The following AKAP13 variants were observed in gnomAD, a reference collection of about 807,000 sequenced individuals.
AKAP13 encodes the protein A-kinase anchor protein 13.
AKAP13 carries 80 observed loss-of-function variants against 264.5 expected under a neutral mutation model. The observed-to-expected ratio is 0.30, with a 90% CI of 0.25 to 0.36. AKAP13 has a LOEUF of 0.36. Among genes scored for constraint, AKAP13 ranks in the 10% least tolerant of loss-of-function variants. AKAP13 has a pLI of 1.00. For missense variants in AKAP13, 3,712 were observed against 3,435.2 expected, an observed-to-expected ratio of 1.08 and a Z score of -2.01; for synonymous variants, 1,380 against 1,250.2, an observed-to-expected ratio of 1.10 and a Z score of -2.19.
intron 9 of AKAP13, among the ~76,000 whole-genome samples, 166 bp downstream of exon 9, chr15:85,639,615 A>C (rs938678706): frequency 3.4e-5 from 3 of 89,214 alleles, no homozygotes; most frequent in African/African-American, 1.3e-4. Flanking sequence ...AGATGAACAC[A>C]TGTAATTACC....
At chr15:85,480,899 C>G (rs2075332420) in intron 1 of AKAP13, 1 of 152,140 alleles carries the variant, frequency 6.6e-6, no homozygotes, top group African/African-American at 2.4e-5. Flanking sequence ...ACCATGTTGG[C>G]CAGGATGGTC....
chr15:85,527,992 T>C (rs984971637), intron 3 of AKAP13, among the ~76,000 whole-genome samples: 1 of 152,232 alleles, frequency 6.6e-6, no homozygotes, highest in Non-Finnish European at 1.5e-5. Context: ...TAGGGTTTCT[T>C]TTTGGATAGC....
chr15:85,630,166 T>TACACACACACAC (rs59852934), intron 8 of AKAP13, among the ~76,000 whole-genome samples: 7 of 100,118 alleles, frequency 7.0e-5, no homozygotes, highest in African/African-American at 2.3e-4. Context: ...TTTTAACACA[T>TACACACACACAC]ACACACACAC....
At position 85,727,152 on chromosome 15, in the gene AKAP13, G is replaced by A. The variant is rs770016998; in HGVS notation, c.6909G>A (p.Met2303Ile). 1.2e-6 allele frequency: 2 copies of A among 1,614,196 alleles called. No individual in the cohort carries two copies. Among genetic ancestry groups the A allele is most frequent in the Non-Finnish European group, 1.7e-6 (2 of 1,180,020 alleles). Residue 2303 changes from methionine to isoleucine, a missense_variant, in exon 28 of 37, where the codon ATG (methionine) becomes ATA (isoleucine). By Grantham distance (10) the Met-to-Ile change is conservative (BLOSUM62 1). This residue lies in a region of AKAP13 where 342 missense variants were observed against 484.3 expected (regional missense o/e 0.71). Coordinates refer to ENST00000394518, the MANE Select transcript of AKAP13 (RefSeq NM_007200.5). The surrounding 1 kb of genome is among the most constrained non-coding windows in gnomAD (Gnocchi z 5.3). ...AGAAAGGTTTATTCCTGATCAGCATGGGGATGACAGATCCAGAGATGGTAG... is the reference window on the plus strand; with the variant it reads ...AGAAAGGTTTATTCCTGATCAGCATAGGGATGACAGATCCAGAGATGGTAG... Reference protein sequence around the residue: ...HEEKGLFLISMGMTDPEMVEV... With the variant: ...HEEKGLFLISIGMTDPEMVEV...
chr15:85,499,916 C>T (rs866690446), intron 2 of AKAP13, among the ~76,000 whole-genome samples: 24 of 152,090 alleles, frequency 1.6e-4, no homozygotes, highest in African/African-American at 5.1e-4. Flanking sequence ...TTTTATTGCT[C>T]TCATTTTTAC....
At chr15:85,520,141 A>G (rs1001273773) in intron 2 of AKAP13, among the ~76,000 whole-genome samples, 54 of 151,948 alleles carry the variant, frequency 3.6e-4, no homozygotes, top group Admixed American at 1.1e-3. Flanking sequence ...ACTGTATTTC[A>G]TAGAATATAT....
chr15:85,734,884 C>T lies in AKAP13; in HGVS notation c.7283-108C>T, dbSNP rs953108444. On this transcript the variant is annotated intron_variant, in intron 30 of 36. Transcript: ENST00000394518. Reference sequence around the variant, plus strand: ...GAGCAAAGGAACTCACCCAGTCACTCTTTGGAACTTTCAAGTCGTGCTCTT... The same window carrying T: ...GAGCAAAGGAACTCACCCAGTCACTTTTTGGAACTTTCAAGTCGTGCTCTT... The T allele has an allele frequency of 2.5e-5, 36 of 1,434,358 alleles. No individual in the cohort carries two copies. In the East Asian group the frequency reaches 6.6e-4, roughly 26 times the overall value. The allele number at this position is 1,434,358 out of a possible 1,614,324, so 88.9% of individuals were successfully genotyped here.
chr15:85,639,846 A>G (rs867430835), intron 9 of AKAP13, among the ~76,000 whole-genome samples: 1 of 152,192 alleles, frequency 6.6e-6, no homozygotes, highest in Non-Finnish European at 1.5e-5. Context: ...TCCTACCTCC[A>G]GATATTCTGA....
At chr15:85,712,296 C>A (rs1211142759) in intron 19 of AKAP13, among the ~76,000 whole-genome samples, 1 of 152,164 alleles carries the variant, frequency 6.6e-6, no homozygotes, top group Non-Finnish European at 1.5e-5. Flanking sequence ...TATATTTAAT[C>A]TGGTTTTTAT....
intron 27 of AKAP13, 49 bp downstream of exon 27, chr15:85,726,535 G>T (rs367583108): frequency 1.3e-6 from 2 of 1,490,746 alleles, no homozygotes; most frequent in East Asian, 4.5e-5. Flanking sequence ...AGCTAGTTTA[G>T]TTATGGAATG....
At chr15:85,533,071 T>C (rs768760369) in intron 3 of AKAP13, among the ~76,000 whole-genome samples, 24 of 152,372 alleles carry the variant, frequency 1.6e-4, no homozygotes, top group Non-Finnish European at 2.8e-4. Flanking sequence ...TATGTACTTT[T>C]CCAAGTGCTT....
intron 5 of AKAP13, among the ~76,000 whole-genome samples, chr15:85,567,428 G>A (rs1484069623): frequency 6.6e-6 from 1 of 152,138 alleles, no homozygotes; most frequent in Admixed American, 6.5e-5. Flanking sequence ...TTGTTACATG[G>A]ACATATTTTG....
intron 1 of AKAP13, among the ~76,000 whole-genome samples, chr15:85,413,505 G>C (rs559363221): frequency 1.3e-5 from 2 of 152,326 alleles, no homozygotes; most frequent in South Asian, 4.1e-4. Context: ...AAGTGGGGAT[G>C]GAGTTGAAGT....
intron 9 of AKAP13, among the ~76,000 whole-genome samples, chr15:85,641,779 A>G (rs1192162487): frequency 6.6e-6 from 1 of 152,052 alleles, no homozygotes; most frequent in African/African-American, 2.4e-5. Flanking sequence ...GGCATGAGCC[A>G]CCGTGCCTGG....
intron 15 of AKAP13, chr15:85,683,427 A>G (rs1008784090): frequency 1.3e-5 from 2 of 152,224 alleles, no homozygotes; most frequent in African/African-American, 2.4e-5. Context: ...TGCCTTTTCT[A>G]TATAACGGAT....
Position 85,719,356 on chromosome 15 carries a change from C to A in AKAP13, c.6252+30C>A, listed in dbSNP as rs375723902. On this transcript the variant is annotated intron_variant, in intron 23 of 36. Coordinates refer to ENST00000394518, the MANE Select transcript of AKAP13 (RefSeq NM_007200.5). The stretch of plus-strand genomic sequence containing the variant: ...GAATGGGAAGGATCTCAGGTTCTTA[C>A]ATACACTGGGAAAAAGGGAAGTCAT... 4 of 1,608,998 alleles carry A rather than the reference C, an allele frequency of 2.5e-6. No homozygotes were observed. In the African/African-American group the frequency reaches 5.4e-5, roughly 22 times the overall value.
intron 1 of AKAP13, among the ~76,000 whole-genome samples, chr15:85,469,712 G>T (rs1256919124): frequency 6.6e-6 from 1 of 152,222 alleles, no homozygotes; most frequent in African/African-American, 2.4e-5. Flanking sequence ...CCCCTGAACA[G>T]AGAATCTTAA....
intron 16 of AKAP13, chr15:85,685,380 T>C (rs1190564491): frequency 6.6e-6 from 1 of 152,302 alleles, no homozygotes; most frequent in Admixed American, 6.5e-5. Context: ...AAGACTAATA[T>C]GATTTCTTAG....
intron 17 of AKAP13, among the ~76,000 whole-genome samples, chr15:85,703,871 T>TATAC (rs1567204317): frequency 5.3e-5 from 8 of 149,596 alleles, no homozygotes; most frequent in Non-Finnish European, 1.0e-4. Flanking sequence ...TATATATATA[T>TATAC]ACACACACAT....
Sources: allele counts gnomAD v4.1 joint callset (sites outside exome capture counted in the v4.1 genomes callset), GRCh38; gene constraint gnomAD v4.1.1; regional missense constraint gnomAD v4.1.1; non-coding constraint Gnocchi (gnomAD v3.1); transcripts MANE v1.5; gene names NCBI Gene and HGNC (gene_info 2026-07-23, HGNC 2026-07-21).